The following SYNJ2 variants were observed in gnomAD, a reference collection of about 807,000 sequenced individuals.
SYNJ2 encodes the protein synaptojanin 2.
A neutral mutation model predicts 141.3 loss-of-function variants in SYNJ2; 116 were observed. The observed-to-expected ratio is 0.82, with a 90% confidence interval of 0.71 to 0.96. The LOEUF (loss-of-function observed/expected upper bound fraction) is 0.96. SYNJ2 is among the 40% of genes least tolerant of loss of function. The probability of loss-of-function intolerance (pLI) is 0.00; values close to 1 mark genes in which losing one functional copy is unlikely to be tolerated. For synonymous variants in SYNJ2, 745 were observed against 777.7 expected (o/e 0.96, Z 0.70); for missense variants, 1,873 against 1,934.8 (o/e 0.97, Z 0.60).
At chr6:158,074,196 T>C (rs1782123136) in intron 15 of SYNJ2, among the ~76,000 whole-genome samples, 1 of 152,176 alleles carries the variant, frequency 6.6e-6, no homozygotes, top group African/African-American at 2.4e-5. Flanking sequence ...TCTGCTGCTC[T>C]TTTGAAACCT....
At chr6:158,038,866 TGTG>T (rs1779781014) in intron 4 of SYNJ2, among the ~76,000 whole-genome samples, 1 of 151,988 alleles carries the variant, frequency 6.6e-6, no homozygotes, top group Non-Finnish European at 1.5e-5. Flanking sequence ...GGGAGAAGCG[TGTG>T]CTGCGCGCAG....
intron 1 of SYNJ2, among the ~76,000 whole-genome samples, chr6:158,005,205 G>A (rs1778017748): frequency 6.6e-6 from 1 of 151,586 alleles, no homozygotes; most frequent in Non-Finnish European, 1.5e-5. Flanking sequence ...AGCCTCCCTA[G>A]TAGCTGGGAC....
intron 1 of SYNJ2, among the ~76,000 whole-genome samples, chr6:157,992,760 C>A (rs1292656318): frequency 6.6e-6 from 1 of 152,212 alleles, no homozygotes; most frequent in Non-Finnish European, 1.5e-5. Flanking sequence ...CATGTTGTTG[C>A]AGATAACAGG....
At chr6:158,081,377 C>G in intron 19 of SYNJ2, 50 bp downstream of exon 19, 2 of 1,613,006 alleles carry the variant, frequency 1.2e-6, no homozygotes, top group Non-Finnish European at 1.7e-6. Context: ...CGATGAGGAT[C>G]CGTGAGAGCT....
At chr6:157,999,482 C>G (rs1777755496) in intron 1 of SYNJ2, among the ~76,000 whole-genome samples, 1 of 152,270 alleles carries the variant, frequency 6.6e-6, no homozygotes, top group Non-Finnish European at 1.5e-5. Flanking sequence ...GGCTTCCAGA[C>G]AAGCCCAGAT....
intron 1 of SYNJ2, among the ~76,000 whole-genome samples, chr6:158,015,230 A>T (rs2128326714): frequency 6.6e-6 from 1 of 152,270 alleles, no homozygotes; most frequent in Admixed American, 6.5e-5. Flanking sequence ...CTCCTTTCTA[A>T]CATTTCACTT....
chr6:158,084,250 G>T lies in SYNJ2; in HGVS notation c.3208+76G>T. On this transcript the variant is annotated intron_variant, in intron 22 of 26. Coordinates refer to ENST00000355585, the MANE Select transcript of SYNJ2 (RefSeq NM_003898.4). This position sits in a 1 kb window ranked among gnomAD's most constrained non-coding sequence, Gnocchi z 5.0. ...GACAGACTTTCCTTTTTCTCTTGGC[G>T]ATTGGGCACTGTGTGATATCAAGTA... The T allele has an allele frequency of 1.3e-6, 2 of 1,492,264 alleles. No homozygotes were observed. The highest frequency in any genetic ancestry group is 9.1e-7 in the Non-Finnish European group (1 of 1,103,714). The allele number at this position is 1,492,264 out of a possible 1,614,324, so 92.4% of individuals were successfully genotyped here.
rs1282874581 is a variant in SYNJ2, at chr6:158,059,324, G to A, written c.925G>A (p.Gly309Arg). ...VVVNLLGSRGGEEVLNRAFKK... is the reference protein window; with the variant it reads ...VVVNLLGSRGREEVLNRAFKK... Reference sequence around the variant, plus strand: ...CGTGAACCTTCTGGGAAGCAGAGGCGGAGAGGAGGTGCTCAACAGAGCCTT... The same window carrying A: ...CGTGAACCTTCTGGGAAGCAGAGGCAGAGAGGAGGTGCTCAACAGAGCCTT... Residue 309 changes from glycine (G) to arginine (R), a missense_variant, in exon 7 of 27, where the codon GGA (glycine) becomes AGA (arginine). Gly to Arg is a moderately radical substitution (Grantham distance 125, BLOSUM62 -2). Transcript: ENST00000355585. 1.5e-5 allele frequency: 23 copies of A among 1,550,654 alleles called. No individual in the cohort carries two copies. Among genetic ancestry groups the A allele is most frequent in the Non-Finnish European group, 1.7e-5 (20 of 1,146,886 alleles).
Position 158,071,691 on chromosome 6 carries a change from C to T in SYNJ2, c.2030C>T (p.Thr677Ile), listed in dbSNP as rs149894562. The T allele has an allele frequency of 6.2e-7, 1 of 1,614,130 alleles. No individual in the cohort carries two copies. Among genetic ancestry groups the T allele is most frequent in the Non-Finnish European group, 8.5e-7 (1 of 1,180,038 alleles). The change falls in exon 15 of 27, where the codon ACC becomes ATC. Residue 677 changes from threonine (T) to isoleucine (I), a missense_variant. By Grantham distance (89) the Thr-to-Ile change is moderately conservative (BLOSUM62 -1). Coordinates refer to ENST00000355585, the MANE Select transcript of SYNJ2 (RefSeq NM_003898.4). This position sits in a 1 kb window ranked among gnomAD's most constrained non-coding sequence, Gnocchi z 4.3. ...AVGIRFQFHS[T>I]SFCFICSHLT... ...GGCATCCGCTTCCAGTTCCACAGCA[C>T]CAGCTTCTGCTTCATATGTAGTCAC... is the stretch of plus-strand genomic sequence containing the variant.
intron 2 of SYNJ2, among the ~76,000 whole-genome samples, chr6:158,025,397 C>T (rs1445947064): frequency 6.6e-6 from 1 of 152,168 alleles, no homozygotes; most frequent in East Asian, 1.9e-4. Context: ...TACAGCAGGC[C>T]AGGTGCAGTG....
chr6:158,063,069 A>C (rs1350433303), intron 8 of SYNJ2, among the ~76,000 whole-genome samples: 1 of 152,224 alleles, frequency 6.6e-6, no homozygotes, highest in Non-Finnish European at 1.5e-5. Flanking sequence ...CTTTATATGG[A>C]AACATACATA....
chr6:158,068,537 A>T, intron 12 of SYNJ2, 110 bp from the exon 13 acceptor site: 1 of 1,183,782 alleles, frequency 8.4e-7, no homozygotes, highest in Non-Finnish European at 1.2e-6. Context: ...CTGGAGTTGG[A>T]CTCAGGCAGT....
At chr6:157,999,809 G>A (rs1462291357) in intron 1 of SYNJ2, among the ~76,000 whole-genome samples, 3 of 152,210 alleles carry the variant, frequency 2.0e-5, no homozygotes, top group Non-Finnish European at 4.4e-5. Context: ...TCCCCAAGGA[G>A]GGGCCCTAGA....
intron 1 of SYNJ2, among the ~76,000 whole-genome samples, chr6:158,012,366 C>A (rs973730879): frequency 1.3e-5 from 2 of 152,190 alleles, no homozygotes; most frequent in African/African-American, 4.8e-5. Context: ...CCATCGCACT[C>A]ACAGGGTCCT....
At chr6:158,066,061 T>C (rs1312820629) in intron 11 of SYNJ2, among the ~76,000 whole-genome samples, 1 of 152,214 alleles carries the variant, frequency 6.6e-6, no homozygotes, top group African/African-American at 2.4e-5. Flanking sequence ...CAATGAAATA[T>C]GGTCAGTTAC....
At chr6:158,092,344 A>G (rs1163789921) in intron 25 of SYNJ2, among the ~76,000 whole-genome samples, 3 of 152,228 alleles carry the variant, frequency 2.0e-5, no homozygotes, top group Non-Finnish European at 2.9e-5. Flanking sequence ...GAAGGTGAGC[A>G]TGAAAACCTG....
chr6:158,088,811 G>A, intron 24 of SYNJ2, 39 bp downstream of exon 24: 1 of 1,461,974 alleles, frequency 6.8e-7, no homozygotes, highest in South Asian at 1.1e-5. Context: ...CAAGGGTTTT[G>A]CCCCCGGGAT....
chr6:157,992,699 C>T (rs1005695041), intron 1 of SYNJ2, among the ~76,000 whole-genome samples: 1 of 151,612 alleles, frequency 6.6e-6, no homozygotes, highest in Non-Finnish European at 1.5e-5. Flanking sequence ...TGAGCAACTG[C>T]ACTCGGCTGG....
intron 3 of SYNJ2, among the ~76,000 whole-genome samples, chr6:158,033,190 A>T (rs1466726303): frequency 6.6e-6 from 1 of 152,162 alleles, no homozygotes; most frequent in Non-Finnish European, 1.5e-5. Context: ...GACAGTGACG[A>T]CCTGGTAGTG....
Sources: allele counts gnomAD v4.1 joint callset (sites outside exome capture counted in the v4.1 genomes callset), GRCh38; gene constraint gnomAD v4.1.1; non-coding constraint Gnocchi (gnomAD v3.1); transcripts MANE v1.5; gene names NCBI Gene and HGNC (gene_info 2026-07-23, HGNC 2026-07-21).